The following NALCN variants were observed in gnomAD, a reference collection of about 807,000 sequenced individuals.
The protein encoded by NALCN is sodium leak channel NALCN.
Under a neutral mutation model 225.3 loss-of-function variants are expected in NALCN, and 111 were observed. That is an observed-to-expected ratio of 0.49 (90% CI 0.42 to 0.58). The LOEUF (loss-of-function observed/expected upper bound fraction) is 0.58, where lower values mean the gene tolerates loss of function less well. Among genes scored for constraint, NALCN ranks in the 20% least tolerant of loss-of-function variants. The pLI, the probability that NALCN is intolerant of heterozygous loss-of-function variation, is 0.00. For missense variants in NALCN, 1,378 were observed against 2,202.4 expected, an observed-to-expected ratio of 0.63 and a Z score of 7.49; for synonymous variants, 764 against 769.0, an observed-to-expected ratio of 0.99 and a Z score of 0.11.
chr13:101,071,752 AATTTACAACTTGAGTAACT>A (rs1209079507), intron 37 of NALCN, among the ~76,000 whole-genome samples: 1 of 152,190 alleles, frequency 6.6e-6, no homozygotes, highest in East Asian at 1.9e-4. Context: ...TTTTCCTTTG[AATTTACAACTTGAGTAACT>A]ATTTGGTGCA....
chr13:101,101,271 A>AT (rs1333492865), intron 26 of NALCN, among the ~76,000 whole-genome samples: 124 of 116,900 alleles, frequency 1.1e-3, no homozygotes, highest in Non-Finnish European at 1.4e-3. Flanking sequence ...ATATATATTT[A>AT]TTTTTTTTTC....
chr13:101,162,886 C>T (rs993274404), intron 15 of NALCN, among the ~76,000 whole-genome samples: 2 of 152,200 alleles, frequency 1.3e-5, no homozygotes, highest in Non-Finnish European at 2.9e-5. Flanking sequence ...CATCTTCCCT[C>T]CAAATCCCAC....
intron 10 of NALCN, among the ~76,000 whole-genome samples, chr13:101,259,911 T>C (rs750291963): frequency 6.6e-5 from 10 of 152,036 alleles, no homozygotes; most frequent in Non-Finnish European, 1.5e-4. Context: ...TTTTAAAATG[T>C]ACAGTTATTA....
intron 7 of NALCN, among the ~76,000 whole-genome samples, chr13:101,305,671 C>G (rs1474705558): frequency 6.6e-6 from 1 of 152,220 alleles, no homozygotes; most frequent in African/African-American, 2.4e-5. Context: ...TAGGGAGACA[C>G]AGATTCTGTA....
chr13:101,202,987 C>T (rs1047326662), intron 13 of NALCN, among the ~76,000 whole-genome samples: 3 of 152,192 alleles, frequency 2.0e-5, no homozygotes, highest in East Asian at 1.9e-4. Context: ...ACTTACTTAA[C>T]GGCTTTGGGA....
chr13:101,140,366 G>T (rs546495146), intron 17 of NALCN, among the ~76,000 whole-genome samples: 1 of 152,220 alleles, frequency 6.6e-6, no homozygotes, highest in East Asian at 1.9e-4. Context: ...CTGTGTTCAG[G>T]AAATGTGAGA....
At chr13:101,152,866 A>G (rs966561583) in intron 15 of NALCN, among the ~76,000 whole-genome samples, 1 of 152,146 alleles carries the variant, frequency 6.6e-6, no homozygotes, top group Admixed American at 6.6e-5. Context: ...AAAAAAAAGT[A>G]TATATCTTTT....
intron 11 of NALCN, among the ~76,000 whole-genome samples, chr13:101,249,305 C>G (rs1238750314): frequency 1.3e-5 from 2 of 152,156 alleles, no homozygotes; most frequent in African/African-American, 4.8e-5. Context: ...ATCAAGATCT[C>G]TCTTCTCCCT....
intron 3 of NALCN, among the ~76,000 whole-genome samples, chr13:101,382,638 A>G (rs2046882833): frequency 6.6e-6 from 1 of 152,208 alleles, no homozygotes. Flanking sequence ...ATAATGAATT[A>G]TTTTAAATCA....
chr13:101,237,044 A>G (rs1376839897), intron 12 of NALCN, among the ~76,000 whole-genome samples: 1 of 151,884 alleles, frequency 6.6e-6, no homozygotes, highest in East Asian at 1.9e-4. Flanking sequence ...AATACCATGT[A>G]GACATATTTT....
At chr13:101,231,533 A>G (rs938942498) in intron 12 of NALCN, among the ~76,000 whole-genome samples, 3 of 152,224 alleles carry the variant, frequency 2.0e-5, no homozygotes, top group Non-Finnish European at 4.4e-5. Flanking sequence ...TAGCTCTAAG[A>G]AATAAAAAAA....
chr13:101,103,169 T>C lies in NALCN; in HGVS notation c.3057+3A>G, dbSNP rs1395533756. 2.4e-5 allele frequency: 38 copies of C among 1,611,806 alleles called. No individual in the cohort carries two copies. The highest frequency in any genetic ancestry group is 3.1e-5 in the Non-Finnish European group (37 of 1,179,294). ...CTGGAATCAAAGGATAATTCTCACATACCAAAAAAATTTCCTTGAAGCCGC... is the reference window on the plus strand; with the variant it reads ...CTGGAATCAAAGGATAATTCTCACACACCAAAAAAATTTCCTTGAAGCCGC... On this transcript the variant is annotated splice_donor_region_variant and intron_variant, in intron 26 of 43. Coordinates refer to ENST00000251127, the MANE Select transcript of NALCN (RefSeq NM_052867.4).
At chr13:101,341,202 T>C (rs1328138549) in intron 7 of NALCN, among the ~76,000 whole-genome samples, 1 of 152,218 alleles carries the variant, frequency 6.6e-6, no homozygotes, top group Non-Finnish European at 1.5e-5. Flanking sequence ...TACTAGAGAC[T>C]AGCTCATGAT....
intron 31 of NALCN, 89 bp from the exon 32 acceptor site, chr13:101,083,287 AC>A: frequency 9.1e-7 from 1 of 1,103,050 alleles, no homozygotes; most frequent in Non-Finnish European, 1.3e-6. Flanking sequence ...TTATCTTAAA[AC>A]CCATTACATT....
In NALCN at chr13:101,090,084, A is replaced by G. The variant is rs905221820; in HGVS notation, c.3270-118T>C. ...TATGTGTGTGTGTGTGTATATACAC[A>G]CACATATATACACACACACGTGTGC... On this transcript the variant is annotated intron_variant, in intron 28 of 43. Coordinates refer to ENST00000251127, the MANE Select transcript of NALCN (RefSeq NM_052867.4). 4.5e-6 allele frequency: 6 copies of G among 1,343,468 alleles called. No individual in the cohort carries two copies. The Admixed American group carries it at 1.0e-4, about 23-fold the overall frequency. 83.2% of individuals were successfully genotyped at this position (1,343,468 alleles called of 1,614,324 possible). A position where few individuals can be genotyped will look rare whatever the true frequency, so the allele number is the denominator to read the frequency against.
chr13:101,346,081 C>CTA (rs1465953187), intron 6 of NALCN, among the ~76,000 whole-genome samples: 91 of 88,740 alleles, frequency 1.0e-3, no homozygotes, highest in East Asian at 5.3e-3. Context: ...CTCTCTCTCT[C>CTA]TCTCTCTATA....
chr13:101,065,259 T>C lies in NALCN; in HGVS notation c.4604+145A>G. 3.6e-6 allele frequency: 3 copies of C among 832,914 alleles called. No homozygotes were observed. In the South Asian group the frequency reaches 5.0e-5, roughly 14 times the overall value. The allele number at this position is 832,914 out of a possible 1,614,324, so 51.6% of individuals were successfully genotyped here. ...ACGGCAGGAAAGGGCACTTAGCGCC[T>C]GGGACATGTGACCCCACTTCACGAC... is the stretch of plus-strand genomic sequence containing the variant. On this transcript the variant is annotated intron_variant, in intron 40 of 43. Coordinates refer to ENST00000251127, the MANE Select transcript of NALCN (RefSeq NM_052867.4).
At chr13:101,132,655 C>T (rs1396504589) in intron 17 of NALCN, among the ~76,000 whole-genome samples, 1 of 152,014 alleles carries the variant, frequency 6.6e-6, no homozygotes, top group Non-Finnish European at 1.5e-5. Context: ...ATCTAAGGCT[C>T]ATAAAAATTA....
chr13:101,178,266 C>T (rs910212949), intron 14 of NALCN, among the ~76,000 whole-genome samples: 6 of 152,152 alleles, frequency 3.9e-5, no homozygotes, highest in African/African-American at 1.4e-4. Flanking sequence ...CCCCTTCTCT[C>T]ACACCTGGGC....
Sources: gnomAD v4.1 joint callset for allele counts (sites outside exome capture counted in the v4.1 genomes callset) on GRCh38, gnomAD v4.1.1 for gene constraint, MANE v1.5 for transcripts, NCBI Gene and HGNC (gene_info 2026-07-23, HGNC 2026-07-21) for gene names.